ZFHX3: variants seen among roughly 807,000 people sequenced by gnomAD.
The protein encoded by ZFHX3 is zinc finger homeobox protein 3.
In ZFHX3, 42 loss-of-function variants were observed where a neutral mutation model predicts 279.1. That is an observed-to-expected ratio of 0.15 (90% CI 0.12 to 0.19). ZFHX3 has a LOEUF of 0.19. Ranked by LOEUF, ZFHX3 falls within the 10% of genes least tolerant of loss-of-function variation. ZFHX3 has a pLI of 1.00. For synonymous variants in ZFHX3, 2,293 were observed against 1,957.8 expected (o/e 1.17, Z -4.52); for missense variants, 4,981 against 4,754.0 (o/e 1.05, Z -1.40).
chr16:73,281,534 C>T (rs2014457482), intron 4 of ZFHX3, among the ~76,000 whole-genome samples: 1 of 152,178 alleles, frequency 6.6e-6, no homozygotes, highest in East Asian at 1.9e-4. Context: ...AAGGCTGTAG[C>T]TAACAATACT....
chr16:73,126,083 A>G (rs1356226259), intron 7 of ZFHX3, among the ~76,000 whole-genome samples: 1 of 152,088 alleles, frequency 6.6e-6, no homozygotes, highest in Non-Finnish European at 1.5e-5. Context: ...AGGGACTAGT[A>G]TGGGGTTTGT....
chr16:73,768,129 A>T (rs2053974561), intron 1 of ZFHX3, among the ~76,000 whole-genome samples: 1 of 151,964 alleles, frequency 6.6e-6, no homozygotes, highest in Non-Finnish European at 1.5e-5. Context: ...AAACACCCCA[A>T]CCTTTCCCTC....
intron 4 of ZFHX3, among the ~76,000 whole-genome samples, chr16:72,834,456 G>C (rs572434724): frequency 6.6e-6 from 1 of 152,242 alleles, no homozygotes; most frequent in South Asian, 2.1e-4. Flanking sequence ...TCAGTTAAGG[G>C]GATGATACCC....
At chr16:73,278,038 A>T (rs1440207872) in intron 4 of ZFHX3, among the ~76,000 whole-genome samples, 1 of 152,114 alleles carries the variant, frequency 6.6e-6, no homozygotes, top group Non-Finnish European at 1.5e-5. Context: ...CACCTCCAAC[A>T]CTGGGGATTA....
At chr16:72,965,735 A>G (rs2359130) in intron 1 of ZFHX3, among the ~76,000 whole-genome samples, 2,317 of 152,214 alleles carry the variant, frequency 0.015, 27 homozygotes, top group South Asian at 0.043. Context: ...TCACAATGTC[A>G]GAGTGACTTA....
chr16:73,049,628 A>G (rs1965412489), upstream of ZFHX3, among the ~76,000 whole-genome samples: 2 of 152,126 alleles, frequency 1.3e-5, no homozygotes, highest in South Asian at 4.1e-4. Context: ...GCCCTGGGAG[A>G]AAAGACTGCC....
intron 1 of ZFHX3, among the ~76,000 whole-genome samples, chr16:73,807,673 G>T (rs1469051250): frequency 9.0e-6 from 1 of 111,300 alleles, no homozygotes. Flanking sequence ...GCTTCTCCAT[G>T]TTGCCCAGGC....
chr16:73,811,153 C>T (rs1305285040), intron 1 of ZFHX3, among the ~76,000 whole-genome samples: 4 of 152,188 alleles, frequency 2.6e-5, no homozygotes, highest in Admixed American at 6.5e-5. Flanking sequence ...CTACCCTCTA[C>T]TAACATTTTG....
At chr16:73,848,572 G>T (rs1231797897) in intron 1 of ZFHX3, among the ~76,000 whole-genome samples, 1 of 152,096 alleles carries the variant, frequency 6.6e-6, no homozygotes, top group African/African-American at 2.4e-5. Context: ...TTCAGTGCTG[G>T]AATTCATTGT....
chr16:72,787,913 GGTCGTAGAGGGA>G lies in ZFHX3; in HGVS notation c.10351_10362del (p.Ser3451_Asp3454del). ...TACTGCACCTTTGGAACAATGAAGGGGTCGTAGAGGGAGTCCGCACTTTTGCTTTCTGCTTCT... is the reference window on the plus strand; with the variant it reads ...TACTGCACCTTTGGAACAATGAAGGGGTCCGCACTTTTGCTTTCTGCTTCT... On this transcript the variant is annotated inframe_deletion, in exon 10 of 10. Coordinates refer to ENST00000268489, the MANE Select transcript of ZFHX3 (RefSeq NM_006885.4). The G allele has an allele frequency of 1.2e-6, 2 of 1,614,094 alleles. No homozygotes were observed. The highest frequency in any genetic ancestry group is 1.7e-6 in the Non-Finnish European group (2 of 1,180,024).
At chr16:73,533,864 C>T (rs1182280589) in intron 2 of ZFHX3, among the ~76,000 whole-genome samples, 1 of 152,116 alleles carries the variant, frequency 6.6e-6, no homozygotes, top group Admixed American at 6.5e-5. Flanking sequence ...AATCCAACCC[C>T]AACCACTTCT....
intron 4 of ZFHX3, among the ~76,000 whole-genome samples, chr16:73,275,551 A>G (rs1260957024): frequency 6.6e-6 from 1 of 152,176 alleles, no homozygotes; most frequent in Non-Finnish European, 1.5e-5. Context: ...TACCTCAGAG[A>G]TATTCTGAGT....
intron 4 of ZFHX3, among the ~76,000 whole-genome samples, chr16:72,840,184 T>C (rs886110790): frequency 2.0e-4 from 31 of 152,132 alleles, no homozygotes; most frequent in African/African-American, 7.2e-4. Context: ...TGGAAATATA[T>C]GGATGAAAAA....
At chr16:73,641,717 G>C (rs2052574700) in intron 2 of ZFHX3, among the ~76,000 whole-genome samples, 1 of 152,090 alleles carries the variant, frequency 6.6e-6, no homozygotes, top group African/African-American at 2.4e-5. Flanking sequence ...AATAGCAGAA[G>C]ACATGGGTAA....
At chr16:73,293,673 G>A (rs1274826957) in intron 4 of ZFHX3, among the ~76,000 whole-genome samples, 3 of 152,214 alleles carry the variant, frequency 2.0e-5, no homozygotes, top group African/African-American at 7.2e-5. Flanking sequence ...GGCCAGCATG[G>A]CCATGCCTGT....
At chr16:72,905,189 C>T (rs2039138699) in intron 3 of ZFHX3, among the ~76,000 whole-genome samples, 2 of 151,994 alleles carry the variant, frequency 1.3e-5, no homozygotes, top group South Asian at 4.2e-4. Context: ...GGCTCTCTGT[C>T]CCTCAATGAC....
rs1278410735 is a variant in ZFHX3 at position 72,958,895 on chromosome 16, T to G, written c.1251A>C (p.Ser417=). 7 of 1,609,312 alleles carry G rather than the reference T, an allele frequency of 4.3e-6. No individual in the cohort carries two copies. In the African/African-American group the frequency reaches 9.4e-5, roughly 22 times the overall value. ...TSSVLKTPIT[S]VPLGPLASSP... Reference sequence around the variant, plus strand: ...TGGAAGCCAGAGGCCCCAGGGGGACTGAGGTAATGGGGGTCTTCAGTACCG... The same window carrying G: ...TGGAAGCCAGAGGCCCCAGGGGGACGGAGGTAATGGGGGTCTTCAGTACCG... Residue 417 remains serine (S), a synonymous_variant, in exon 2 of 10, where the codon TCA becomes TCC. Coordinates refer to ENST00000268489, the MANE Select transcript of ZFHX3 (RefSeq NM_006885.4).
intron 1 of ZFHX3, among the ~76,000 whole-genome samples, chr16:72,992,723 T>C (rs1963138906): frequency 1.3e-5 from 2 of 152,216 alleles, no homozygotes; most frequent in Non-Finnish European, 1.5e-5. Context: ...GAAAGAAATG[T>C]ATGGCTTGCT....
intron 3 of ZFHX3, among the ~76,000 whole-genome samples, chr16:73,396,928 C>A (rs1177605068): frequency 6.6e-6 from 1 of 152,168 alleles, no homozygotes; most frequent in Non-Finnish European, 1.5e-5. Context: ...CACAGATGAG[C>A]CTAAGTGACG....
Sources: gnomAD v4.1 joint callset for allele counts (sites outside exome capture counted in the v4.1 genomes callset) on GRCh38, gnomAD v4.1.1 for gene constraint, MANE v1.5 for transcripts, NCBI Gene and HGNC (gene_info 2026-07-23, HGNC 2026-07-21) for gene names.